Variants in CUL2 observed in about 807,000 individuals in gnomAD.
CUL2 encodes the protein cullin 2, also known as cullin-2.
A neutral mutation model predicts 110.2 loss-of-function variants in CUL2; 22 were observed. The ratio of observed to expected loss-of-function variants is 0.20; its 90% CI spans 0.14 to 0.28. The LOEUF is 0.28. Ranked by LOEUF, CUL2 falls within the 10% of genes least tolerant of loss-of-function variation. The pLI is 1.00. For missense variants in CUL2, 631 were observed against 905.5 expected (o/e 0.70, Z 3.89); for synonymous variants, 279 against 293.2 (o/e 0.95, Z 0.49).
At chr10:35,061,008 A>G (rs760914033) in intron 3 of CUL2, 40 bp from the exon 4 acceptor site, 29 of 1,568,386 alleles carry the variant, frequency 1.8e-5, no homozygotes, top group African/African-American at 2.7e-5. Flanking sequence ...GAAAAGCAAT[A>G]ATCATTTTCA....
At chr10:35,013,436 G>A (rs183854096) in intron 19 of CUL2, among the ~76,000 whole-genome samples, 13 of 151,932 alleles carry the variant, frequency 8.6e-5, no homozygotes, top group Middle Eastern at 3.5e-3. Context: ...GGGAATTTTC[G>A]GAGAGAATGC....
chr10:35,090,696 A>C (rs1028249700), upstream of CUL2: 1 of 152,328 alleles, frequency 6.6e-6, no homozygotes, highest in African/African-American at 2.4e-5. Flanking sequence ...GTGATTGCGA[A>C]AGGCCACGGA....
intron 18 of CUL2, 104 bp from the exon 19 acceptor site, chr10:35,013,904 C>T: frequency 1.3e-6 from 1 of 745,848 alleles, no homozygotes; most frequent in Non-Finnish European, 1.9e-6. Context: ...AAAAAAGCCT[C>T]CACTCTCATA....
At chr10:35,010,817 A>C (rs2084880735) in intron 20 of CUL2, among the ~76,000 whole-genome samples, 1 of 152,196 alleles carries the variant, frequency 6.6e-6, no homozygotes, top group Non-Finnish European at 1.5e-5. Context: ...ATGTAATTTT[A>C]CATTTATTTG....
intron 8 of CUL2, among the ~76,000 whole-genome samples, chr10:35,042,161 ACTC>A (rs2085809158): frequency 6.6e-6 from 1 of 151,854 alleles, no homozygotes. Flanking sequence ...TTAAGTAACA[ACTC>A]CTCACATCCT....
intron 1 of CUL2, among the ~76,000 whole-genome samples, chr10:35,110,223 T>C (rs1020785383): frequency 3.9e-5 from 6 of 152,208 alleles, no homozygotes; most frequent in African/African-American, 1.2e-4. Flanking sequence ...GGTATAATTG[T>C]TGGCTAGGGC....
chr10:35,093,234 T>C (rs935799579), upstream of CUL2, among the ~76,000 whole-genome samples: 1 of 151,832 alleles, frequency 6.6e-6, no homozygotes, highest in Non-Finnish European at 1.5e-5. Context: ...GAGTGATAAC[T>C]CCAGTTCTCC....
intron 2 of CUL2, among the ~76,000 whole-genome samples, chr10:35,069,109 C>T (rs1044462920): frequency 1.2e-4 from 19 of 152,036 alleles, no homozygotes; most frequent in Admixed American, 5.9e-4. Context: ...CCTCATAATC[C>T]GCCTGCCTCA....
intron 2 of CUL2, among the ~76,000 whole-genome samples, chr10:35,067,566 C>A (rs1017214218): frequency 6.6e-6 from 1 of 151,970 alleles, no homozygotes; most frequent in Non-Finnish European, 1.5e-5. Flanking sequence ...GCCTGGCCAA[C>A]ATGGTGAAAC....
chr10:35,031,512 A>T lies in CUL2; in HGVS notation c.1278T>A (p.Asp426Glu). 2 of 1,614,146 alleles carry T rather than the reference A, an allele frequency of 1.2e-6. No individual in the cohort carries two copies. The highest frequency in any genetic ancestry group is 1.1e-5 in the South Asian group (1 of 91,066). The change falls in exon 13 of 21, where the codon GAT becomes GAA. Residue 426 changes from aspartate to glutamate, a missense_variant. Asp to Glu is a conservative substitution (Grantham distance 45). Coordinates refer to ENST00000374749, the MANE Select transcript of CUL2 (RefSeq NM_003591.4). The surrounding 1 kb of genome is among the most constrained non-coding windows in gnomAD (Gnocchi z 4.4). ...ATACCTTTTGAAAGACGTCCTTGTC[A>T]TCAATGTATTTGAACACTGTGATGA... ...TSFITVFKYI[D>E]DKDVFQKFYA...
chr10:35,011,405 G>A (rs1298540800), intron 20 of CUL2, among the ~76,000 whole-genome samples: 3 of 151,824 alleles, frequency 2.0e-5, no homozygotes, highest in African/African-American at 7.3e-5. Flanking sequence ...ATCACCTGAG[G>A]TCAGGAGTTC....
At chr10:35,043,596 C>A (rs553010099) in intron 8 of CUL2, among the ~76,000 whole-genome samples, 3 of 152,286 alleles carry the variant, frequency 2.0e-5, no homozygotes, top group Admixed American at 1.3e-4. Context: ...TAACACAAAC[C>A]ATCCCAAAAT....
At chr10:35,029,467 T>C (rs772680920) in intron 15 of CUL2, 21 bp downstream of exon 15, 3 of 1,436,774 alleles carry the variant, frequency 2.1e-6, no homozygotes, top group Non-Finnish European at 2.8e-6. Flanking sequence ...TAAATGCTCA[T>C]AGTAAAACAC....
chr10:35,037,156 G>A (rs1163430362), intron 9 of CUL2, among the ~76,000 whole-genome samples: 1 of 151,940 alleles, frequency 6.6e-6, no homozygotes, highest in African/African-American at 2.4e-5. Flanking sequence ...TTTTTACCTT[G>A]TACATTTAGA....
At chr10:35,091,379 C>G (rs1014131582), upstream of CUL2, among the ~76,000 whole-genome samples, 16 of 152,190 alleles carry the variant, frequency 1.1e-4, no homozygotes, top group African/African-American at 3.9e-4. Flanking sequence ...AGCCTTCCTC[C>G]TCTTCTAATC....
intron 1 of CUL2, among the ~76,000 whole-genome samples, chr10:35,125,207 G>GT (rs1360101089): frequency 6.6e-6 from 1 of 152,122 alleles, no homozygotes; most frequent in African/African-American, 2.4e-5. Context: ...TACAGCAAGG[G>GT]TATAGCAGAG....
chr10:35,078,097 G>T (rs868848715), intron 1 of CUL2, among the ~76,000 whole-genome samples: 2 of 151,972 alleles, frequency 1.3e-5, no homozygotes, highest in African/African-American at 4.8e-5. Context: ...ACTGAAAGCC[G>T]TTACTAACCT....
chr10:35,067,471 C>T (rs773287602), intron 2 of CUL2, among the ~76,000 whole-genome samples: 15 of 152,012 alleles, frequency 9.9e-5, no homozygotes, highest in Non-Finnish European at 1.3e-4. Flanking sequence ...CACCATTGGC[C>T]GGTCACAGTG....
chr10:35,012,581 G>A (rs1168230211), intron 19 of CUL2, among the ~76,000 whole-genome samples: 1 of 152,190 alleles, frequency 6.6e-6, no homozygotes, highest in African/African-American at 2.4e-5. Context: ...GCAAGGCATA[G>A]AAGCAGACCA....
Sources: allele counts gnomAD v4.1 joint callset (sites outside exome capture counted in the v4.1 genomes callset), GRCh38; gene constraint gnomAD v4.1.1; non-coding constraint Gnocchi (gnomAD v3.1); transcripts MANE v1.5; gene names NCBI Gene and HGNC (gene_info 2026-07-23, HGNC 2026-07-21).